The following RIMS2 variants were observed in gnomAD, a reference collection of about 807,000 sequenced individuals.
RIMS2 encodes regulating synaptic membrane exocytosis protein 2.
Under a neutral mutation model 174.4 loss-of-function variants are expected in RIMS2, and 59 were observed. That is an observed-to-expected ratio of 0.34 (90% CI 0.27 to 0.42). The LOEUF is 0.42. RIMS2 is among the 10% of genes least tolerant of loss of function. The probability of loss-of-function intolerance (pLI) is 1.00; values close to 1 mark genes in which losing one functional copy is unlikely to be tolerated. For missense variants in RIMS2, 1,620 were observed against 1,666.3 expected (o/e 0.97, Z 0.48); for synonymous variants, 606 against 572.5 (o/e 1.06, Z -0.84).
At chr8:104,199,214 ACCACGCC>A (rs2099041545) in intron 19 of RIMS2, among the ~76,000 whole-genome samples, 1 of 151,962 alleles carries the variant, frequency 6.6e-6, no homozygotes, top group Non-Finnish European at 1.5e-5. Flanking sequence ...GGCGCCCGCC[ACCACGCC>A]CGGCTAATTT....
At chr8:103,876,636 C>G (rs180776655) in intron 3 of RIMS2, among the ~76,000 whole-genome samples, 35 of 150,614 alleles carry the variant, frequency 2.3e-4, no homozygotes, top group African/African-American at 7.3e-4. Flanking sequence ...AGTCCATCAT[C>G]CTCATGCCTT....
intron 14 of RIMS2, among the ~76,000 whole-genome samples, chr8:103,945,300 T>A (rs898047690): frequency 6.6e-6 from 1 of 152,204 alleles, no homozygotes; most frequent in African/African-American, 2.4e-5. Flanking sequence ...AATTAATGAA[T>A]TGATAATGAA....
intron 19 of RIMS2, among the ~76,000 whole-genome samples, chr8:104,193,553 A>C (rs527571454): frequency 6.6e-6 from 1 of 152,326 alleles, no homozygotes; most frequent in African/African-American, 2.4e-5. Context: ...GCCTGCTCTC[A>C]TCTACCTTCC....
At chr8:103,925,701 C>A (rs1342196138) in intron 10 of RIMS2, among the ~76,000 whole-genome samples, 1 of 151,546 alleles carries the variant, frequency 6.6e-6, no homozygotes, top group African/African-American at 2.4e-5. Flanking sequence ...TTTGCCATCC[C>A]TATCTGAAAT....
chr8:104,104,708 C>T (rs2098000051), intron 19 of RIMS2, among the ~76,000 whole-genome samples: 1 of 151,922 alleles, frequency 6.6e-6, no homozygotes, highest in Non-Finnish European at 1.5e-5. Context: ...GAATTTGAGA[C>T]CAGCCTCTTC....
At chr8:104,182,150 T>A (rs2098943735) in intron 19 of RIMS2, among the ~76,000 whole-genome samples, 1 of 151,838 alleles carries the variant, frequency 6.6e-6, no homozygotes, top group Admixed American at 6.6e-5. Context: ...TCCCACAAAC[T>A]ACTGTTAATA....
At chr8:104,170,443 A>G (rs1184113252) in intron 19 of RIMS2, among the ~76,000 whole-genome samples, 5 of 151,626 alleles carry the variant, frequency 3.3e-5, no homozygotes, top group African/African-American at 7.2e-5. Context: ...TTTTTTTACT[A>G]TAAGTATGAT....
At chr8:103,882,016 A>G (rs2154518755) in intron 3 of RIMS2, among the ~76,000 whole-genome samples, 1 of 151,626 alleles carries the variant, frequency 6.6e-6, no homozygotes, top group African/African-American at 2.4e-5. Flanking sequence ...CTGCCTCTTA[A>G]TTTCTCAGGG....
chr8:104,118,164 T>C (rs1053593036), intron 19 of RIMS2, among the ~76,000 whole-genome samples: 1 of 151,792 alleles, frequency 6.6e-6, no homozygotes, highest in Non-Finnish European at 1.5e-5. Context: ...ATTTTACCTG[T>C]TTATTATAAT....
chr8:103,910,150 C>T, exon 5 of RIMS2: 1 of 1,610,764 alleles, frequency 6.2e-7, no homozygotes, highest in Non-Finnish European at 8.5e-7. Flanking sequence ...TGGATTACAA[C>T]TGGTTGGATC....
intron 1 of RIMS2, 78 bp downstream of exon 2, chr8:103,652,315 A>G: frequency 3.9e-6 from 3 of 774,612 alleles, no homozygotes; most frequent in South Asian, 1.4e-5. Context: ...ATTAGCTTAC[A>G]CTAATACTGG....
chr8:104,217,757 A>T (rs1284366147), intron 19 of RIMS2, among the ~76,000 whole-genome samples: 1 of 152,250 alleles, frequency 6.6e-6, no homozygotes, highest in Non-Finnish European at 1.5e-5. Flanking sequence ...GGAAGAAAAG[A>T]TTATATATTT....
At chr8:103,947,499 C>A (rs974154123) in intron 14 of RIMS2, among the ~76,000 whole-genome samples, 2 of 152,074 alleles carry the variant, frequency 1.3e-5, no homozygotes, top group African/African-American at 4.8e-5. Flanking sequence ...CAAACCTGTA[C>A]GAGCATGTTA....
At chr8:104,112,261 A>G (rs769619007) in intron 19 of RIMS2, among the ~76,000 whole-genome samples, 2 of 152,258 alleles carry the variant, frequency 1.3e-5, no homozygotes, top group African/African-American at 2.4e-5. Context: ...ATTTCCTGTT[A>G]TACTTTCAGA....
intron 1 of RIMS2, among the ~76,000 whole-genome samples, chr8:103,590,667 T>A (rs542952204): frequency 6.6e-6 from 1 of 151,362 alleles, no homozygotes; most frequent in South Asian, 2.1e-4. Context: ...TCCACCTCCC[T>A]GCCCTTAGGA....
At chr8:104,059,203 A>G (rs940952155) in intron 19 of RIMS2, among the ~76,000 whole-genome samples, 4 of 151,686 alleles carry the variant, frequency 2.6e-5, no homozygotes, top group African/African-American at 9.7e-5. Context: ...ACCCATGAGC[A>G]TGGAATGTTC....
chr8:104,136,553 C>T (rs1178941344), intron 19 of RIMS2, among the ~76,000 whole-genome samples: 1 of 152,092 alleles, frequency 6.6e-6, no homozygotes, highest in East Asian at 1.9e-4. Context: ...AACCTAAATG[C>T]CCATCAGTGA....
chr8:103,734,953 T>A (rs2097666462), intron 2 of RIMS2, among the ~76,000 whole-genome samples: 3 of 152,228 alleles, frequency 2.0e-5, no homozygotes, highest in Admixed American at 2.0e-4. Context: ...CTGTCACTAG[T>A]CTTTTTTATG....
rs2098132946 is a variant in RIMS2 at position 104,109,252 on chromosome 8, G to C, written c.3334+94637G>C. 2.8e-5 allele frequency among the ~76,000 whole-genome samples: 4 copies of C among 141,394 alleles called. No individual in the cohort carries two copies. In the South Asian group the frequency reaches 8.9e-4, roughly 32 times the overall value. The allele number at this position is 141,394 out of a possible 152,430, so 92.8% of individuals were successfully genotyped here. On this transcript the variant is annotated intron_variant, in intron 19 of 23. Coordinates refer to ENST00000504942, the Ensembl canonical transcript of RIMS2. ...GTGGAGCTTGCAGTGAGCCGAGATG[G>C]CACCATTGCACTCCAGCCTGGGCGA...
Sources: allele counts gnomAD v4.1 joint callset (sites outside exome capture counted in the v4.1 genomes callset), GRCh38; gene constraint gnomAD v4.1.1; transcripts MANE v1.5; gene names NCBI Gene and HGNC (gene_info 2026-07-23, HGNC 2026-07-21).